The following VWA3B variants were observed in gnomAD, a reference collection of about 807,000 sequenced individuals.
The protein encoded by VWA3B is von Willebrand factor A domain-containing protein 3B.
VWA3B carries 138 observed loss-of-function variants against 158.3 expected under a neutral mutation model. The ratio of observed to expected loss-of-function variants is 0.87; its 90% CI spans 0.76 to 1.00. The LOEUF is 1.00. VWA3B is among the 50% of genes least tolerant of loss of function. The pLI, the probability that VWA3B is intolerant of heterozygous loss-of-function variation, is 0.00. For synonymous variants in VWA3B, 596 were observed against 587.3 expected, an observed-to-expected ratio of 1.01 and a Z score of -0.21; for missense variants, 1,555 against 1,565.1, an observed-to-expected ratio of 0.99 and a Z score of 0.11.
At chr2:98,144,592 A>C in intron 7 of VWA3B, among the ~76,000 whole-genome samples, 1 of 148,472 alleles carries the variant, frequency 6.7e-6, no homozygotes. Flanking sequence ...ATTGAAATGG[A>C]GTCTTGCTCT....
At chr2:98,323,995 G>A in the VWA3B span, among the ~76,000 whole-genome samples, 104 of 152,256 alleles carry the variant, frequency 6.8e-4, no homozygotes, top group South Asian at 2.5e-3. Flanking sequence ...AGTACCACAC[G>A]TGGAGGCTTA....
chr2:98,134,634 GA>G (rs986435145), intron 7 of VWA3B, among the ~76,000 whole-genome samples: 1 of 151,910 alleles, frequency 6.6e-6, no homozygotes, highest in Non-Finnish European at 1.5e-5. Flanking sequence ...TCGATTGTTG[GA>G]TGAAGGTACC....
intron 15 of VWA3B, chr2:98,228,939 G>T (rs1201598290): frequency 6.6e-6 from 1 of 152,118 alleles, no homozygotes; most frequent in African/African-American, 2.4e-5. Context: ...TACCCTGCCA[G>T]GAGATGTCTT....
At chr2:98,314,158 C>CG, downstream of VWA3B, among the ~76,000 whole-genome samples, 1 of 152,276 alleles carries the variant, frequency 6.6e-6, no homozygotes, top group African/African-American at 2.4e-5. Context: ...AAACACAGCC[C>CG]GGCAGCCTCT....
chr2:98,208,967 C>T (rs1322929385), intron 12 of VWA3B, among the ~76,000 whole-genome samples: 1 of 152,160 alleles, frequency 6.6e-6, no homozygotes, highest in Non-Finnish European at 1.5e-5. Context: ...TCTCCTTCAA[C>T]CCTGGAGGAT....
intron 10 of VWA3B, among the ~76,000 whole-genome samples, chr2:98,188,784 T>C (rs1456347023): frequency 6.6e-6 from 1 of 152,166 alleles, no homozygotes; most frequent in Non-Finnish European, 1.5e-5. Context: ...CATCTGATGG[T>C]TTGCTGATAG....
chr2:98,269,740 C>T (rs771593077), intron 21 of VWA3B, among the ~76,000 whole-genome samples: 2 of 152,204 alleles, frequency 1.3e-5, no homozygotes, highest in Non-Finnish European at 2.9e-5. Context: ...TTCTGGAATT[C>T]TCGCAAAGGC....
intron 12 of VWA3B, among the ~76,000 whole-genome samples, chr2:98,195,938 A>G (rs1682002563): frequency 6.6e-6 from 1 of 152,238 alleles, no homozygotes; most frequent in Non-Finnish European, 1.5e-5. Flanking sequence ...CAGCTTAGAA[A>G]AGAAGGAAAT....
At chr2:98,278,595 C>T in intron 22 of VWA3B, among the ~76,000 whole-genome samples, 1 of 151,598 alleles carries the variant, frequency 6.6e-6, no homozygotes. Context: ...CCCTGGGGTT[C>T]AGCCATCACT....
chr2:98,095,681 G>A (rs1459303460), intron 2 of VWA3B, among the ~76,000 whole-genome samples: 5 of 152,140 alleles, frequency 3.3e-5, no homozygotes, highest in Admixed American at 2.6e-4. Flanking sequence ...GTGAAAGTGG[G>A]CATCGTTTTC....
intron 7 of VWA3B, among the ~76,000 whole-genome samples, chr2:98,154,154 G>T (rs1037012347): frequency 6.6e-6 from 1 of 152,172 alleles, no homozygotes; most frequent in Non-Finnish European, 1.5e-5. Flanking sequence ...GAGCCACCGC[G>T]CCCAGCAGGA....
At chr2:98,287,811 C>T (rs1343313157) in intron 22 of VWA3B, among the ~76,000 whole-genome samples, 1 of 152,128 alleles carries the variant, frequency 6.6e-6, no homozygotes, top group Non-Finnish European at 1.5e-5. Context: ...GGACCTTGTT[C>T]GTTTTTAAAG....
intron 3 of VWA3B, among the ~76,000 whole-genome samples, chr2:98,118,506 C>T (rs183528790): frequency 2.6e-5 from 4 of 152,266 alleles, no homozygotes; most frequent in East Asian, 1.9e-4. Flanking sequence ...CCTTCAAACA[C>T]GGGGCTTGCA....
intron 21 of VWA3B, among the ~76,000 whole-genome samples, chr2:98,269,083 T>C (rs1488081678): frequency 1.3e-5 from 2 of 152,176 alleles, no homozygotes; most frequent in Admixed American, 6.5e-5. Flanking sequence ...TTTGCTCATT[T>C]GATTGGGCCA....
intron 12 of VWA3B, among the ~76,000 whole-genome samples, chr2:98,199,910 C>T (rs1682383792): frequency 6.6e-6 from 1 of 152,164 alleles, no homozygotes; most frequent in Non-Finnish European, 1.5e-5. Context: ...GTATGTTTAA[C>T]TTTATAAGAA....
chr2:98,284,607 T>C (rs1689061209), intron 22 of VWA3B, among the ~76,000 whole-genome samples: 1 of 152,220 alleles, frequency 6.6e-6, no homozygotes, highest in Admixed American at 6.5e-5. Flanking sequence ...GCATGGCAAA[T>C]ACATAGCTAT....
intron 7 of VWA3B, among the ~76,000 whole-genome samples, chr2:98,134,280 C>G (rs1245621427): frequency 6.6e-6 from 1 of 152,150 alleles, no homozygotes; most frequent in Non-Finnish European, 1.5e-5. Flanking sequence ...AGAGAGGGTG[C>G]CTGCGGTTCT....
chr2:98,322,103 C>T, the VWA3B span, among the ~76,000 whole-genome samples: 1 of 152,172 alleles, frequency 6.6e-6, no homozygotes, highest in Non-Finnish European at 1.5e-5. Flanking sequence ...GTGAGGCCTC[C>T]CCAGCCATGT....
At chr2:98,313,401 GAGGCAGAGTACCTCCCAGAACTC>G (rs1691017767), downstream of VWA3B, 1 of 152,232 alleles carries the variant, frequency 6.6e-6, no homozygotes, top group African/African-American at 2.4e-5. Flanking sequence ...GTGCTTGTGG[GAGGCAGAGTACCTCCCAGAACTC>G]AGACGTTTCC....
Sources: gnomAD v4.1 joint callset for allele counts (sites outside exome capture counted in the v4.1 genomes callset) on GRCh38, gnomAD v4.1.1 for gene constraint, MANE v1.5 for transcripts, NCBI Gene and HGNC (gene_info 2026-07-23, HGNC 2026-07-21) for gene names.